PAMR1: variants seen among roughly 807,000 people sequenced by gnomAD.
PAMR1 encodes the protein peptidase domain containing associated with muscle regeneration 1, also known as inactive serine protease PAMR1.
Under a neutral mutation model 81.8 loss-of-function variants are expected in PAMR1, and 88 were observed. The observed-to-expected ratio is 1.08, with a 90% CI of 0.91 to 1.28. The LOEUF (loss-of-function observed/expected upper bound fraction) is 1.28. Among genes scored for constraint, PAMR1 ranks in the 50% most tolerant of loss-of-function variants. The pLI is 0.00. For synonymous variants in PAMR1, 336 were observed against 345.3 expected, an observed-to-expected ratio of 0.97 and a Z score of 0.30; for missense variants, 935 against 919.7, an observed-to-expected ratio of 1.02 and a Z score of -0.21.
chr11:35,483,227 C>T (rs765907685), intron 3 of PAMR1, among the ~76,000 whole-genome samples: 7 of 152,142 alleles, frequency 4.6e-5, no homozygotes, highest in Non-Finnish European at 1.0e-4. Flanking sequence ...ATTCAAACCC[C>T]ATAAACCTAA....
At chr11:35,501,968 T>G (rs980454794) in intron 1 of PAMR1, among the ~76,000 whole-genome samples, 1 of 152,166 alleles carries the variant, frequency 6.6e-6, no homozygotes, top group Non-Finnish European at 1.5e-5. Flanking sequence ...GATCACATGG[T>G]AGTTCTATTT....
upstream of PAMR1, chr11:35,528,850 T>C (rs967419556): frequency 3.3e-5 from 5 of 152,224 alleles, no homozygotes; most frequent in Admixed American, 3.3e-4. Context: ...GGTTTGTAAA[T>C]TTCCTAGAGC....
In PAMR1 at chr11:35,445,633, T is replaced by C. The variant is rs145229181; in HGVS notation, c.821-3940A>G. Among the ~76,000 whole-genome samples the C allele has an allele frequency of 3.0e-3, 455 of 152,328 alleles. 1 individual carries two copies. Among genetic ancestry groups the C allele is most frequent in the African/African-American group, 0.011 (440 of 41,570 alleles). ...AGTTCTGTTTATGTGATGAATTATG[T>C]TTATTGATTTGCAGATGTTGAACCA... On this transcript the variant is annotated intron_variant, in intron 6 of 10. Coordinates refer to ENST00000619888, the MANE Select transcript of PAMR1 (RefSeq NM_001001991.3).
chr11:35,525,845 G>T (rs564620496), upstream of PAMR1: 2 of 547,214 alleles, frequency 3.7e-6, no homozygotes, highest in South Asian at 2.3e-5. Flanking sequence ...ACCCGCGGAC[G>T]GCGGCTGCAA....
At chr11:35,523,650 G>A (rs1190285459) in intron 1 of PAMR1, among the ~76,000 whole-genome samples, 2 of 152,216 alleles carry the variant, frequency 1.3e-5, no homozygotes, top group South Asian at 2.1e-4. Flanking sequence ...TTTCTTGCCT[G>A]GGGCCAGATT....
At chr11:35,506,791 T>A (rs188626562) in intron 1 of PAMR1, among the ~76,000 whole-genome samples, 1 of 152,128 alleles carries the variant, frequency 6.6e-6, no homozygotes, top group East Asian at 1.9e-4. Context: ...GGTAGTCTTA[T>A]TTGGGTCAAA....
rs530974492 is a variant in PAMR1 at position 35,441,267 on chromosome 11, G to A, written c.1033+214C>T. Reference sequence around the variant, plus strand: ...CATTCCTCTTCTTGATCACCTCAAGGTGTTGTGATTAGGGAAAGCAGGTCC... The same window carrying A: ...CATTCCTCTTCTTGATCACCTCAAGATGTTGTGATTAGGGAAAGCAGGTCC... On this transcript the variant is annotated intron_variant, in intron 7 of 10. Transcript: ENST00000619888. 3.3e-5 allele frequency among the ~76,000 whole-genome samples: 5 copies of A among 151,896 alleles called. No homozygotes were observed. In the South Asian group the frequency reaches 1.0e-3, roughly 32 times the overall value.
At chr11:35,454,179 C>CCCA (rs1488613733) in intron 6 of PAMR1, among the ~76,000 whole-genome samples, 4 of 152,078 alleles carry the variant, frequency 2.6e-5, no homozygotes, top group African/African-American at 9.7e-5. Flanking sequence ...GCTCAAGGCA[C>CCCA]CCATTCCTCA....
At chr11:35,519,592 C>A (rs1181898994) in intron 1 of PAMR1, among the ~76,000 whole-genome samples, 1 of 152,154 alleles carries the variant, frequency 6.6e-6, no homozygotes, top group Non-Finnish European at 1.5e-5. Context: ...ACTGGTTGGA[C>A]TTTTGGTCTG....
chr11:35,436,772 C>A (rs531739802), intron 8 of PAMR1, among the ~76,000 whole-genome samples: 1 of 151,966 alleles, frequency 6.6e-6, no homozygotes, highest in African/African-American at 2.4e-5. Context: ...GGCATGATTC[C>A]AACTGCTTAA....
chr11:35,475,628 A>G (rs1850271799), intron 3 of PAMR1, among the ~76,000 whole-genome samples: 1 of 152,210 alleles, frequency 6.6e-6, no homozygotes, highest in South Asian at 2.1e-4. Flanking sequence ...AAGTGGCTCT[A>G]TGGAAAAATT....
intron 6 of PAMR1, among the ~76,000 whole-genome samples, chr11:35,443,150 A>G (rs1381842239): frequency 2.0e-5 from 3 of 151,490 alleles, no homozygotes; most frequent in African/African-American, 7.3e-5. Context: ...GCTCATCCCT[A>G]TAAAACAGTC....
rs118140896 is a variant in PAMR1, at chr11:35,455,827, A to G, written c.820+12174T>C. Among the ~76,000 whole-genome samples, 92 of 152,088 alleles carry G rather than the reference A, an allele frequency of 6.0e-4. No homozygotes were observed. In the East Asian group the frequency reaches 0.017, roughly 29 times the overall value. On this transcript the variant is annotated intron_variant, in intron 6 of 10. Coordinates refer to ENST00000619888, the MANE Select transcript of PAMR1 (RefSeq NM_001001991.3). ...TTATTTAAACCCTGAAATAGAAGAG[A>G]TGCCAGTTCAAGATATTCTACTAAG...
chr11:35,456,140 A>T (rs1856526532), intron 6 of PAMR1, among the ~76,000 whole-genome samples: 1 of 151,476 alleles, frequency 6.6e-6, no homozygotes, highest in South Asian at 2.1e-4. Context: ...TACATATATA[A>T]TTTTTTTTTC....
intron 2 of PAMR1, among the ~76,000 whole-genome samples, chr11:35,493,319 C>T (rs1315197731): frequency 6.6e-6 from 1 of 152,158 alleles, no homozygotes; most frequent in Non-Finnish European, 1.5e-5. Flanking sequence ...AGTATATAGC[C>T]TAAACTTTGA....
chr11:35,504,557 T>C (rs1850914414), intron 1 of PAMR1, among the ~76,000 whole-genome samples: 1 of 152,102 alleles, frequency 6.6e-6, no homozygotes, highest in Non-Finnish European at 1.5e-5. Flanking sequence ...TCAACCTTGT[T>C]ACTCATTATT....
In PAMR1 at chr11:35,432,537, C is replaced by T; in HGVS notation, c.1982G>A (p.Cys661Tyr). Residue 661 changes from cysteine (C) to tyrosine (Y), a missense_variant, in exon 11 of 11, where the codon TGC (cysteine) becomes TAC (tyrosine). By Grantham distance (194) the Cys-to-Tyr change is radical. Coordinates refer to ENST00000619888, the MANE Select transcript of PAMR1 (RefSeq NM_001001991.3). ...SWEPTAPSDI[C>Y]TAETGGIAAV... ...CGCGATGCCTCCTGTCTCTGCAGTGCAGATATCAGAAGGGGCAGTGGGTTC... is the reference window on the plus strand; with the variant it reads ...CGCGATGCCTCCTGTCTCTGCAGTGTAGATATCAGAAGGGGCAGTGGGTTC... 6.2e-7 allele frequency: 1 copy of T among 1,614,244 alleles called. No homozygotes were observed. The highest frequency in any genetic ancestry group is 8.5e-7 in the Non-Finnish European group (1 of 1,180,050).
At chr11:35,515,065 TA>T (rs1379869086) in intron 1 of PAMR1, among the ~76,000 whole-genome samples, 13 of 152,198 alleles carry the variant, frequency 8.5e-5, no homozygotes, top group African/African-American at 3.1e-4. Flanking sequence ...ATCAAAGCAC[TA>T]GAATGACGAC....
At chr11:35,466,482 C>T (rs914967712) in intron 6 of PAMR1, among the ~76,000 whole-genome samples, 38 of 152,244 alleles carry the variant, frequency 2.5e-4, no homozygotes, top group African/African-American at 8.4e-4. Flanking sequence ...AATCCCAGCA[C>T]TTTGGGAGGC....
Sources: allele counts gnomAD v4.1 joint callset (sites outside exome capture counted in the v4.1 genomes callset), GRCh38; gene constraint gnomAD v4.1.1; transcripts MANE v1.5; gene names NCBI Gene and HGNC (gene_info 2026-07-23, HGNC 2026-07-21).